Variants in TENT5D observed in about 807,000 individuals in gnomAD.
TENT5D encodes the protein terminal nucleotidyltransferase 5D.
For synonymous variants in TENT5D, 103 were observed against 100.6 expected, an observed-to-expected ratio of 1.02 and a Z score of -0.15; for missense variants, 191 against 287.0, an observed-to-expected ratio of 0.67 and a Z score of 2.42.
At position 80,377,204 on chromosome X, in the gene TENT5D, T is replaced by C. The variant is rs374314983; in HGVS notation, c.-142+34640T>C. Among the ~76,000 whole-genome samples, 248 of 111,816 alleles carry C rather than the reference T, an allele frequency of 2.2e-3. 1 individual carries two copies. The highest frequency in any genetic ancestry group is 7.7e-3 in the African/African-American group (238 of 30,787). On this transcript the variant is annotated intron_variant, in intron 3 of 4. Coordinates refer to the TENT5D transcript ENST00000538312. ...ATTAATTGATTATAATGTTGCTAGA[T>C]TAGTGATAATCATTAATCATTATGC...
At chrX:80,389,090 A>T (rs936500238) in intron 3 of TENT5D, among the ~76,000 whole-genome samples, 2 of 111,702 alleles carry the variant, frequency 1.8e-5, no homozygotes, top group Non-Finnish European at 1.9e-5. Context: ...AATTCTCTGC[A>T]CCATGTGGCC....
intron 3 of TENT5D, among the ~76,000 whole-genome samples, chrX:80,362,339 A>G (rs1304243677): frequency 9.1e-6 from 1 of 109,921 alleles, no homozygotes; most frequent in African/African-American, 3.3e-5. Context: ...AATTTTTTGT[A>G]TGTTTAATAG....
intron 3 of TENT5D, among the ~76,000 whole-genome samples, chrX:80,395,172 T>A (rs1414980434): frequency 8.9e-6 from 1 of 112,300 alleles, no homozygotes; most frequent in Non-Finnish European, 1.9e-5. Context: ...TTCAGGTTCA[T>A]CCATGTTGTT....
intron 2 of TENT5D, among the ~76,000 whole-genome samples, chrX:80,337,194 T>C (rs1324118474): frequency 8.9e-6 from 1 of 111,812 alleles, no homozygotes; most frequent in Non-Finnish European, 1.9e-5. Context: ...GGAAAGAAAA[T>C]ATAACATTTT....
intron 3 of TENT5D, among the ~76,000 whole-genome samples, chrX:80,354,277 A>G (rs886302171): frequency 9.0e-6 from 1 of 111,628 alleles, no homozygotes; most frequent in Admixed American, 9.5e-5. Flanking sequence ...TGTGGACAAT[A>G]TCCTCAGATA....
intron 2 of TENT5D, among the ~76,000 whole-genome samples, chrX:80,337,552 A>C (rs1457918934): frequency 2.7e-5 from 3 of 111,410 alleles, no homozygotes; most frequent in African/African-American, 9.8e-5. Context: ...AATGTTCCTC[A>C]ACCAGGTTAT....
chrX:80,344,783 G>A (rs1930028461), intron 3 of TENT5D, among the ~76,000 whole-genome samples: 1 of 110,816 alleles, frequency 9.0e-6, no homozygotes, highest in Non-Finnish European at 1.9e-5. Flanking sequence ...ATAATATTAA[G>A]AATAGAAATG....
intron 2 of TENT5D, among the ~76,000 whole-genome samples, chrX:80,338,254 A>T (rs772808164): frequency 9.0e-6 from 1 of 111,731 alleles, no homozygotes; most frequent in South Asian, 3.8e-4. Flanking sequence ...GAGACAATAG[A>T]TGTAGGATCT....
chrX:80,348,291 A>G (rs1206865766), intron 3 of TENT5D, among the ~76,000 whole-genome samples: 2 of 111,690 alleles, frequency 1.8e-5, no homozygotes, highest in Non-Finnish European at 3.8e-5. Context: ...GATTCTTCCT[A>G]TCCATGAGCA....
chrX:80,409,508 A>G (rs1416754699), intron 3 of TENT5D, among the ~76,000 whole-genome samples: 1 of 110,973 alleles, frequency 9.0e-6, no homozygotes, highest in East Asian at 2.8e-4. Context: ...TGCTTCAAAG[A>G]GAATAAAATA....
At chrX:80,360,073 T>C (rs1227118293) in intron 3 of TENT5D, among the ~76,000 whole-genome samples, 1 of 112,015 alleles carries the variant, frequency 8.9e-6, no homozygotes, top group Non-Finnish European at 1.9e-5. Flanking sequence ...CGTTTCTGAA[T>C]CAGATGAGCG....
chrX:80,434,058 A>G (rs760782607), intron 1 of TENT5D, among the ~76,000 whole-genome samples: 14 of 108,794 alleles, frequency 1.3e-4, no homozygotes, highest in Non-Finnish European at 9.5e-5. Context: ...AATCGCTTGA[A>G]CCTGGGAGGT....
intron 3 of TENT5D, among the ~76,000 whole-genome samples, chrX:80,396,452 G>A (rs946329038): frequency 1.4e-4 from 15 of 109,579 alleles, no homozygotes; most frequent in Admixed American, 9.7e-4. Flanking sequence ...CTGGGTATTT[G>A]AGATTAGGGA....
At chrX:80,432,314 C>CTTCAG (rs1433866741) in intron 1 of TENT5D, among the ~76,000 whole-genome samples, 1 of 111,558 alleles carries the variant, frequency 9.0e-6, no homozygotes, top group African/African-American at 3.3e-5. Context: ...TCAGTTGCCC[C>CTTCAG]AGGACCTCCT....
At chrX:80,381,876 T>G (rs946752727) in intron 3 of TENT5D, among the ~76,000 whole-genome samples, 2 of 111,982 alleles carry the variant, frequency 1.8e-5, no homozygotes, top group Non-Finnish European at 3.8e-5. Context: ...TTTCAAGGTT[T>G]TTAGCTTCCT....
At chrX:80,375,562 A>G (rs1240968239) in intron 3 of TENT5D, among the ~76,000 whole-genome samples, 2 of 111,462 alleles carry the variant, frequency 1.8e-5, no homozygotes, top group African/African-American at 3.3e-5. Context: ...TTGTCCATGT[A>G]TATTTTCAGT....
intron 1 of TENT5D, among the ~76,000 whole-genome samples, chrX:80,421,868 C>T (rs1022811131): frequency 1.8e-5 from 2 of 110,064 alleles, no homozygotes; most frequent in Non-Finnish European, 3.8e-5. Context: ...GCCTTCTGAG[C>T]GTGAACTTAA....
At chrX:80,369,185 G>A (rs771744580) in intron 3 of TENT5D, among the ~76,000 whole-genome samples, 9 of 111,674 alleles carry the variant, frequency 8.1e-5, no homozygotes, top group Non-Finnish European at 7.5e-5. Flanking sequence ...TCTTTGCATG[G>A]TATTTCACTT....
At chrX:80,414,512 G>A (rs1200358371) in intron 3 of TENT5D, among the ~76,000 whole-genome samples, 1 of 111,729 alleles carries the variant, frequency 9.0e-6, no homozygotes, top group Non-Finnish European at 1.9e-5. Context: ...GTGGTCAGGC[G>A]TACAGTTTGT....
Sources: gnomAD v4.1 joint callset for allele counts (sites outside exome capture counted in the v4.1 genomes callset) on GRCh38, gnomAD v4.1.1 for gene constraint, MANE v1.5 for transcripts, NCBI Gene and HGNC (gene_info 2026-07-23, HGNC 2026-07-21) for gene names.